Variants in SMAD9 observed in about 807,000 individuals in gnomAD.
SMAD9 encodes the protein MAD homolog 9.
SMAD9 carries 36 observed loss-of-function variants against 46.1 expected under a neutral mutation model. That is an observed-to-expected ratio of 0.78 (90% CI 0.60 to 1.03). The LOEUF (loss-of-function observed/expected upper bound fraction) is 1.03, where lower values mean the gene tolerates loss of function less well. Among genes scored for constraint, SMAD9 ranks in the 50% least tolerant of loss-of-function variants. The probability of loss-of-function intolerance (pLI) is 0.00; values close to 1 mark genes in which losing one functional copy is unlikely to be tolerated. For synonymous variants in SMAD9, 245 were observed against 237.1 expected (o/e 1.03, Z -0.31); for missense variants, 572 against 599.8 (o/e 0.95, Z 0.48).
At chr13:36,884,089 C>G (rs996605450) in intron 1 of SMAD9, among the ~76,000 whole-genome samples, 3 of 152,132 alleles carry the variant, frequency 2.0e-5, no homozygotes, top group African/African-American at 7.2e-5. Context: ...TGAGCGCGAC[C>G]TTCACTCATG....
intron 1 of SMAD9, among the ~76,000 whole-genome samples, chr13:36,884,120 G>A (rs890782386): frequency 7.2e-5 from 11 of 152,138 alleles, no homozygotes; most frequent in Non-Finnish European, 1.0e-4. Flanking sequence ...GCACAGAGCA[G>A]GGCAAAACAA....
intron 5 of SMAD9, among the ~76,000 whole-genome samples, chr13:36,855,439 A>C (rs2058115344): frequency 6.6e-6 from 1 of 152,120 alleles, no homozygotes; most frequent in Non-Finnish European, 1.5e-5. Context: ...GTGAATATTA[A>C]ATATCAGAAC....
At chr13:36,892,818 G>A (rs1692203908) in intron 1 of SMAD9, among the ~76,000 whole-genome samples, 1 of 152,164 alleles carries the variant, frequency 6.6e-6, no homozygotes, top group Admixed American at 6.6e-5. Flanking sequence ...AAGAGAAAAT[G>A]TGAAGACATT....
At chr13:36,920,592 T>G (rs1359548288), upstream of SMAD9, 1 of 152,020 alleles carries the variant, frequency 6.6e-6, no homozygotes, top group Non-Finnish European at 1.5e-5. Context: ...GTGGGAGCCC[T>G]TTGTCTGCGT....
intron 1 of SMAD9, among the ~76,000 whole-genome samples, chr13:36,905,723 C>T (rs1045670121): frequency 8.0e-6 from 1 of 124,704 alleles, no homozygotes; most frequent in Admixed American, 1.1e-4. Flanking sequence ...TCCTGTGAGC[C>T]GAGATTGTAC....
intron 1 of SMAD9, among the ~76,000 whole-genome samples, chr13:36,914,355 T>A (rs2058683061): frequency 6.6e-6 from 1 of 152,082 alleles, no homozygotes. Context: ...CTGTCTCTAC[T>A]AAAAATACAA....
chr13:36,905,712 C>A (rs1287770282), intron 1 of SMAD9, among the ~76,000 whole-genome samples: 1 of 133,042 alleles, frequency 7.5e-6, no homozygotes, highest in African/African-American at 2.9e-5. Context: ...GAGTTCGAGA[C>A]TCCTGTGAGC....
chr13:36,847,684 C>G lies in SMAD9; in HGVS notation c.*992G>C, dbSNP rs117069357. ...TAATATTTGCCAAGAGGCAGGAAAA[C>G]GTGGCGAAAGAGTGCCCTTCCCAGG... On this transcript the variant is annotated 3_prime_UTR_variant, in exon 7 of 7. Transcript: ENST00000379826. 6.6e-6 allele frequency: 1 copy of G among 152,210 alleles called. No homozygotes were observed. Among genetic ancestry groups the G allele is most frequent in the African/African-American group, 2.4e-5 (1 of 41,446 alleles). 9.4% of individuals were successfully genotyped at this position (152,210 alleles called of 1,614,324 possible).
chr13:36,892,954 T>A (rs2058499919), intron 1 of SMAD9, among the ~76,000 whole-genome samples: 1 of 152,130 alleles, frequency 6.6e-6, no homozygotes, highest in African/African-American at 2.4e-5. Flanking sequence ...ATCATTAAAA[T>A]ATCTTCATAT....
At chr13:36,905,963 G>A (rs577110411) in intron 1 of SMAD9, among the ~76,000 whole-genome samples, 5 of 152,128 alleles carry the variant, frequency 3.3e-5, no homozygotes, top group South Asian at 2.1e-4. Flanking sequence ...GAGCCACTGC[G>A]CCTGGACGAA....
intron 1 of SMAD9, among the ~76,000 whole-genome samples, chr13:36,916,912 A>G (rs1199746217): frequency 6.6e-6 from 1 of 151,646 alleles, no homozygotes; most frequent in Admixed American, 6.6e-5. Flanking sequence ...GTAAAGGTGC[A>G]CAGGAGAGGA....
intron 6 of SMAD9, among the ~76,000 whole-genome samples, chr13:36,850,640 A>G (rs1285404611): frequency 6.6e-6 from 1 of 152,002 alleles, no homozygotes; most frequent in Non-Finnish European, 1.5e-5. Context: ...TAGCCTCCCA[A>G]AGTGCTGGGA....
intron 5 of SMAD9, among the ~76,000 whole-genome samples, chr13:36,864,753 A>G (rs554329005): frequency 6.6e-6 from 1 of 152,270 alleles, no homozygotes; most frequent in South Asian, 2.1e-4. Context: ...CAAATGGAAC[A>G]ATGAATCTCC....
At position 36,848,738 on chromosome 13, in the gene SMAD9, A is replaced by G. The variant is rs768576721; in HGVS notation, c.1342T>C (p.Trp448Arg). 1 of 1,614,076 alleles carries G rather than the reference A, an allele frequency of 6.2e-7. No individual in the cohort carries two copies. Among genetic ancestry groups the G allele is most frequent in the South Asian group, 1.1e-5 (1 of 91,070 alleles). Residue 448 changes from tryptophan to arginine, a missense_variant, in exon 7 of 7, where the codon TGG (tryptophan) becomes CGG (arginine). Transcript: ENST00000379826. ...IEIHLHGPLQ[W>R]LDKVLTQMGS... Reference sequence around the variant, plus strand: ...ATCTGAGTCAGAACTTTGTCCAGCCACTGCAGTGGCCCATGAAGATGAATC... The same window carrying G: ...ATCTGAGTCAGAACTTTGTCCAGCCGCTGCAGTGGCCCATGAAGATGAATC...
intron 1 of SMAD9, among the ~76,000 whole-genome samples, chr13:36,888,544 A>T (rs2138561851): frequency 6.6e-6 from 1 of 152,320 alleles, no homozygotes; most frequent in African/African-American, 2.4e-5. Flanking sequence ...TTTATGATAC[A>T]GAAGGTGACC....
chr13:36,876,151 C>A (rs1360720030), intron 2 of SMAD9, among the ~76,000 whole-genome samples: 3 of 151,770 alleles, frequency 2.0e-5, no homozygotes, highest in Non-Finnish European at 4.4e-5. Context: ...CTTTTAAACA[C>A]CATGCTATCT....
chr13:36,894,764 C>G (rs1193412252), intron 1 of SMAD9, among the ~76,000 whole-genome samples: 3 of 152,048 alleles, frequency 2.0e-5, no homozygotes, highest in Non-Finnish European at 1.5e-5. Flanking sequence ...GATTGAGGTC[C>G]CAGTGGAGAA....
chr13:36,903,329 G>A (rs544220767), intron 1 of SMAD9, among the ~76,000 whole-genome samples: 2 of 152,060 alleles, frequency 1.3e-5, no homozygotes, highest in African/African-American at 4.8e-5. Context: ...GTTTCACCAC[G>A]TTGGTCAGGC....
chr13:36,855,345 CCCTCTAAA>C (rs2058114277), intron 5 of SMAD9, among the ~76,000 whole-genome samples: 1 of 151,108 alleles, frequency 6.6e-6, no homozygotes, highest in Non-Finnish European at 1.5e-5. Flanking sequence ...TTGATCCTTT[CCCTCTAAA>C]TGTCTGGGTT....
Sources: allele counts gnomAD v4.1 joint callset (sites outside exome capture counted in the v4.1 genomes callset), GRCh38; gene constraint gnomAD v4.1.1; transcripts MANE v1.5; gene names NCBI Gene and HGNC (gene_info 2026-07-23, HGNC 2026-07-21).